PRKCZ: variants seen among roughly 807,000 people sequenced by gnomAD.
PRKCZ encodes the protein protein kinase C zeta.
A neutral mutation model predicts 79.5 loss-of-function variants in PRKCZ; 33 were observed. The ratio of observed to expected loss-of-function variants is 0.41; its 90% CI spans 0.31 to 0.55. The LOEUF is 0.55. PRKCZ is among the 20% of genes least tolerant of loss of function. PRKCZ has a pLI of 0.19. For synonymous variants in PRKCZ, 342 were observed against 320.9 expected (o/e 1.07, Z -0.70); for missense variants, 578 against 813.5 (o/e 0.71, Z 3.52).
rs1679363307 is a variant in PRKCZ at position 2,149,305 on chromosome 1, A to G, written c.687+381A>G. ...TTGCCTCATTTGGCCATCCTGGCAAACCCTCTGAAGCCCTTTCATGTCCTT... is the reference window on the plus strand; with the variant it reads ...TTGCCTCATTTGGCCATCCTGGCAAGCCCTCTGAAGCCCTTTCATGTCCTT... On this transcript the variant is annotated intron_variant, in intron 8 of 17. Coordinates refer to ENST00000378567, the MANE Select transcript of PRKCZ (RefSeq NM_002744.6). The surrounding 1 kb of genome is among the most constrained non-coding windows in gnomAD (Gnocchi z 4.1). 6.6e-6 allele frequency among the ~76,000 whole-genome samples: 1 copy of G among 152,146 alleles called. No individual in the cohort carries two copies. Among genetic ancestry groups the G allele is most frequent in the Admixed American group, 6.5e-5 (1 of 15,274 alleles).
rs1663811672 is a variant in PRKCZ, at chr1:2,082,816, G to A, written c.334+23225G>A. Among the ~76,000 whole-genome samples the A allele has an allele frequency of 6.6e-6, 1 of 151,932 alleles. No homozygotes were observed. The highest frequency in any genetic ancestry group is 1.5e-5 in the Non-Finnish European group (1 of 67,978). On this transcript the variant is annotated intron_variant, in intron 4 of 17. Transcript: ENST00000378567. The surrounding 1 kb of genome is among the most constrained non-coding windows in gnomAD (Gnocchi z 4.4). ...TCACAGGGGCACTCCGGATGTAGTA[G>A]CAGGGAGAGGGTGGAGGGGCGGCCA...
At chr1:2,167,228 G>A (rs904150134) in intron 10 of PRKCZ, among the ~76,000 whole-genome samples, 3 of 152,236 alleles carry the variant, frequency 2.0e-5, no homozygotes, top group African/African-American at 4.8e-5. Flanking sequence ...CACAGTTCCC[G>A]TGATTGGCTT....
intron 9 of PRKCZ, 89 bp from the exon 10 acceptor site, chr1:2,155,906 A>C (rs1446867959): frequency 8.9e-7 from 1 of 1,125,150 alleles, no homozygotes; most frequent in African/African-American, 1.5e-5. Flanking sequence ...AAGCGGAGGA[A>C]AGAGACTCCT....
chr1:2,074,571 T>C, intron 4 of PRKCZ: 1 of 548,066 alleles, frequency 1.8e-6, no homozygotes, highest in Non-Finnish European at 3.3e-6. Context: ...AGCCAGCACC[T>C]GTTCCAGGCC....
In PRKCZ at chr1:2,172,862, G is replaced by A. The variant is rs547169829; in HGVS notation, c.1285+474G>A. ...GCGTGAAACGGGGACATGGGCACGC[G>A]TGTGCAGCCGTGTGTGCGTGTGTGA... On this transcript the variant is annotated intron_variant, in intron 13 of 17. Coordinates refer to ENST00000378567, the MANE Select transcript of PRKCZ (RefSeq NM_002744.6). This position sits in a 1 kb window ranked among gnomAD's most constrained non-coding sequence, Gnocchi z 7.8. Among the ~76,000 whole-genome samples the A allele has an allele frequency of 6.0e-4, 91 of 152,310 alleles. No homozygotes were observed. The highest frequency in any genetic ancestry group is 1.9e-3 in the African/African-American group (81 of 41,560).
At chr1:2,112,430 A>C (rs544074499) in intron 4 of PRKCZ, among the ~76,000 whole-genome samples, 1 of 152,180 alleles carries the variant, frequency 6.6e-6, no homozygotes, top group Non-Finnish European at 1.5e-5. Flanking sequence ...GTCAGCCTGG[A>C]ACCCCTGCCC....
rs113991764 is a variant in PRKCZ, at chr1:2,051,057, G to A, written c.71+356G>A. ...ATCAAGTTGTGAAAACTCCTGGCGG[G>A]TTTCTTAAAATCAGCGTTTCCTAAA... On this transcript the variant is annotated intron_variant, in intron 1 of 17. Coordinates refer to ENST00000378567, the MANE Select transcript of PRKCZ (RefSeq NM_002744.6). 255 of 207,432 alleles carry A rather than the reference G, an allele frequency of 1.2e-3. 2 individuals are homozygous for A. The highest frequency in any genetic ancestry group is 5.6e-3 in the African/African-American group (244 of 43,430). The allele number at this position is 207,432 out of a possible 1,614,324, so 12.8% of individuals were successfully genotyped here.
chr1:2,099,219 G>A (rs779266066), intron 4 of PRKCZ, among the ~76,000 whole-genome samples: 40 of 152,274 alleles, frequency 2.6e-4, no homozygotes, highest in Non-Finnish European at 5.0e-4. Flanking sequence ...CAAGTCGCTG[G>A]GATATGAAAT....
intron 4 of PRKCZ, among the ~76,000 whole-genome samples, chr1:2,104,039 A>C (rs1667944785): frequency 6.6e-6 from 1 of 152,280 alleles, no homozygotes; most frequent in Admixed American, 6.5e-5. Context: ...GGAGCTTCTC[A>C]CCACATAATG....
chr1:2,054,076 A>G (rs914725924), intron 1 of PRKCZ, among the ~76,000 whole-genome samples: 4 of 152,142 alleles, frequency 2.6e-5, no homozygotes, highest in African/African-American at 9.7e-5. Flanking sequence ...CTGTGGACCG[A>G]TCCTGTGTTC....
At chr1:2,074,220 A>G in intron 4 of PRKCZ, 2 of 1,550,280 alleles carry the variant, frequency 1.3e-6, no homozygotes, top group South Asian at 2.4e-5. Context: ...CTGTGGAGGG[A>G]CCTTCTGAGC....
intron 4 of PRKCZ, among the ~76,000 whole-genome samples, chr1:2,092,233 G>A (rs569731077): frequency 4.6e-5 from 7 of 152,036 alleles, no homozygotes; most frequent in African/African-American, 1.4e-4. Flanking sequence ...TACGGGAGGC[G>A]AATCCTTGAT....
chr1:2,099,874 C>A (rs940679892), intron 4 of PRKCZ, among the ~76,000 whole-genome samples: 5 of 152,204 alleles, frequency 3.3e-5, no homozygotes, highest in Admixed American at 6.5e-5. Context: ...CCTTGAAATA[C>A]GTTTTTTAAA....
intron 16 of PRKCZ, among the ~76,000 whole-genome samples, chr1:2,180,417 G>A (rs780381816): frequency 6.6e-6 from 1 of 152,134 alleles, no homozygotes; most frequent in South Asian, 2.1e-4. Flanking sequence ...ATGCACGGAC[G>A]ACGTAGACAC....
At chr1:2,155,442 GTGA>G (rs147384181) in intron 9 of PRKCZ, among the ~76,000 whole-genome samples, 35,999 of 151,604 alleles carry the variant, frequency 0.24, 4,829 homozygotes, top group Admixed American at 0.33. Context: ...GGTTGTGATG[GTGA>G]TGATGGTGGT....
At chr1:2,155,536 GTGA>G (rs771518202) in intron 9 of PRKCZ, among the ~76,000 whole-genome samples, 2 of 150,744 alleles carry the variant, frequency 1.3e-5, no homozygotes, top group African/African-American at 2.4e-5. Context: ...GGTGCCAATG[GTGA>G]TGGTGGTGGT....
rs1557611997 is a variant in PRKCZ at position 2,121,575 on chromosome 1, G to GTCA, written c.335-13686_335-13685insCAT. On this transcript the variant is annotated intron_variant, in intron 4 of 17. Transcript: ENST00000378567. ...AGTTAGGGCTATGGCTGTAGTTAGG[G>GTCA]TGATGGTGGTAGTTAAGGTCACAGC... Among the ~76,000 whole-genome samples, 7 of 104,774 alleles carry GTCA rather than the reference G, an allele frequency of 6.7e-5. 2 individuals carry two copies. Among genetic ancestry groups the GTCA allele is most frequent in the South Asian group, 6.8e-4 (2 of 2,952 alleles). 68.7% of individuals were successfully genotyped at this position (104,774 alleles called of 152,430 possible). A position where few individuals can be genotyped will look rare whatever the true frequency, so the allele number is the denominator to read the frequency against.
chr1:2,167,781 C>G (rs1557724118), intron 10 of PRKCZ, among the ~76,000 whole-genome samples: 1 of 152,064 alleles, frequency 6.6e-6, no homozygotes, highest in African/African-American at 2.4e-5. Context: ...ATTTTTGTAT[C>G]TTTAGTAGAG....
chr1:2,156,398 T>C (rs1317623586), intron 10 of PRKCZ: 7 of 296,060 alleles, frequency 2.4e-5, no homozygotes, highest in Middle Eastern at 2.4e-3. Context: ...TCTGTGCTTA[T>C]TAAAATATGT....
Sources: allele counts gnomAD v4.1 joint callset (sites outside exome capture counted in the v4.1 genomes callset), GRCh38; gene constraint gnomAD v4.1.1; non-coding constraint Gnocchi (gnomAD v3.1); transcripts MANE v1.5; gene names NCBI Gene and HGNC (gene_info 2026-07-23, HGNC 2026-07-21).